Variants in UBQLN1 observed in about 807,000 individuals in gnomAD.
UBQLN1 encodes ubiquilin 1.
Under a neutral mutation model 65.4 loss-of-function variants are expected in UBQLN1, and 13 were observed. The ratio of observed to expected loss-of-function variants is 0.20; its 90% CI spans 0.13 to 0.32. UBQLN1 has a LOEUF of 0.32. UBQLN1 is among the 10% of genes least tolerant of loss of function. UBQLN1 has a pLI of 1.00. For missense variants in UBQLN1, 561 were observed against 724.0 expected (o/e 0.77, Z 2.58); for synonymous variants, 267 against 247.8 (o/e 1.08, Z -0.73).
chr9:83,680,146 T>G (rs1013434584), intron 3 of UBQLN1, 109 bp from the exon 4 acceptor site: 3 of 1,178,128 alleles, frequency 2.5e-6, no homozygotes, highest in Admixed American at 5.8e-5. Flanking sequence ...AATAGTCTAT[T>G]ACAAGAAATC....
In UBQLN1 at chr9:83,682,991, G is replaced by C; in HGVS notation, c.408C>G (p.Asn136Lys). Residue 136 changes from asparagine to lysine, a missense_variant, in exon 3 of 11, where the codon AAC becomes AAG. By Grantham distance (94) the Asn-to-Lys change is moderately conservative (BLOSUM62 0). This residue lies in a region of UBQLN1 where 87 missense variants were observed against 88.8 expected (regional missense o/e 0.98). Transcript: ENST00000376395. The part of the protein sequence containing the change: ...NVTTSSTPNS[N>K]STSGSATSNP... ...TGCTAGTAGCAGAACCAGATGTAGA[G>C]TTACTATTAGGAGTTGATGATGTAG... 6.2e-7 allele frequency: 1 copy of C among 1,612,508 alleles called. No homozygotes were observed. The highest frequency in any genetic ancestry group is 8.5e-7 in the Non-Finnish European group (1 of 1,179,512).
chr9:83,700,976 T>C (rs1832300420), intron 1 of UBQLN1, among the ~76,000 whole-genome samples: 1 of 152,198 alleles, frequency 6.6e-6, no homozygotes, highest in South Asian at 2.1e-4. Context: ...GTCAGGCAAC[T>C]GACCAGTAGG....
chr9:83,674,926 C>T (rs1331047795), intron 6 of UBQLN1, among the ~76,000 whole-genome samples: 1 of 152,114 alleles, frequency 6.6e-6, no homozygotes, highest in Non-Finnish European at 1.5e-5. Flanking sequence ...GCAGCAAAAA[C>T]GTGCAGAATT....
At chr9:83,681,958 C>T (rs1448731771) in intron 3 of UBQLN1, among the ~76,000 whole-genome samples, 1 of 152,124 alleles carries the variant, frequency 6.6e-6, no homozygotes, top group Admixed American at 6.5e-5. Context: ...CGGTAAAAAG[C>T]GTAGCATGCA....
chr9:83,694,877 T>A (rs2131180131), intron 1 of UBQLN1, among the ~76,000 whole-genome samples: 1 of 152,316 alleles, frequency 6.6e-6, no homozygotes, highest in African/African-American at 2.4e-5. Context: ...CCAGTGAGGC[T>A]GAGATGATTA....
At chr9:83,672,383 G>C (rs1241307391) in intron 6 of UBQLN1, among the ~76,000 whole-genome samples, 1 of 152,176 alleles carries the variant, frequency 6.6e-6, no homozygotes, top group East Asian at 1.9e-4. Context: ...CACTAAACAA[G>C]ATTATTTCTA....
At chr9:83,687,520 T>C (rs915326300) in intron 1 of UBQLN1, among the ~76,000 whole-genome samples, 4 of 152,260 alleles carry the variant, frequency 2.6e-5, no homozygotes, top group South Asian at 2.1e-4. Flanking sequence ...GATAAGGAAA[T>C]TGCTGCCAAG....
In UBQLN1 at chr9:83,660,807, A is replaced by G. The variant is rs910189508; in HGVS notation, c.*980T>C. The G allele has an allele frequency of 1.3e-5, 2 of 152,758 alleles. No homozygotes were observed. The highest frequency in any genetic ancestry group is 4.8e-5 in the African/African-American group (2 of 41,568). The allele number at this position is 152,758 out of a possible 1,614,324, so 9.5% of individuals were successfully genotyped here. A position where few individuals can be genotyped will look rare whatever the true frequency, so the allele number is the denominator to read the frequency against. ...GTGTATTGCCTGTGCATGAGAAAAC[A>G]GATAAACCCAAAAGATAGTTCTATT... On this transcript the variant is annotated 3_prime_UTR_variant, in exon 11 of 11. Coordinates refer to ENST00000376395, the MANE Select transcript of UBQLN1 (RefSeq NM_013438.5).
intron 4 of UBQLN1, among the ~76,000 whole-genome samples, chr9:83,679,397 T>A (rs1210628059): frequency 6.6e-6 from 1 of 152,230 alleles, no homozygotes; most frequent in Non-Finnish European, 1.5e-5. Context: ...TTTAAAGTTG[T>A]TGCAATTTTG....
chr9:83,664,910 C>T (rs959734676), intron 9 of UBQLN1, 120 bp downstream of exon 9: 2 of 671,920 alleles, frequency 3.0e-6, no homozygotes, highest in Admixed American at 7.2e-5. Context: ...AAGGGCGAGA[C>T]CCTGTATCCC....
chr9:83,704,416 T>C (rs1832362353), intron 1 of UBQLN1, among the ~76,000 whole-genome samples: 1 of 152,226 alleles, frequency 6.6e-6, no homozygotes, highest in Admixed American at 6.5e-5. Flanking sequence ...GGTGTGGTGA[T>C]AAGCGTCAAT....
At position 83,678,475 on chromosome 9, in the gene UBQLN1, A is replaced by G. The variant is rs2131158971; in HGVS notation, c.836T>C (p.Ile279Thr). The G allele has an allele frequency of 6.2e-7, 1 of 1,613,676 alleles. No individual in the cohort carries two copies. Among genetic ancestry groups the G allele is most frequent in the Non-Finnish European group, 8.5e-7 (1 of 1,179,836 alleles). ...TGCAGCACTCAGCATTGGTTCCTGA[A>G]TATCTGTGTACATGCGCCTTAAAGC... ...YNALRRMYTD[I>T]QEPMLSAAQE... The change falls in exon 5 of 11, where the codon ATT becomes ACT. Residue 279 changes from isoleucine to threonine, a missense_variant. Around this residue, in one of 8 missense-constraint regions of UBQLN1, gnomAD observed 75 missense variants for 138.9 expected, o/e 0.54. Transcript: ENST00000376395.
intron 9 of UBQLN1, 30 bp downstream of exon 9, chr9:83,665,000 A>C: frequency 1.4e-6 from 2 of 1,477,612 alleles, no homozygotes; most frequent in Non-Finnish European, 1.9e-6. Context: ...ACCATTATAC[A>C]CTTTCATTAT....
At chr9:83,705,929 T>C (rs1047095474) in intron 1 of UBQLN1, among the ~76,000 whole-genome samples, 1 of 150,342 alleles carries the variant, frequency 6.7e-6, no homozygotes, top group African/African-American at 2.5e-5. Flanking sequence ...CTCTGTAACT[T>C]AGGGCATAAA....
intron 2 of UBQLN1, among the ~76,000 whole-genome samples, chr9:83,683,272 C>T (rs1831977550): frequency 1.3e-5 from 2 of 151,952 alleles, no homozygotes; most frequent in Non-Finnish European, 2.9e-5. Context: ...ATTAGCCGGG[C>T]GTGATGGCGA....
chr9:83,681,244 A>G (rs1281541916), intron 3 of UBQLN1, among the ~76,000 whole-genome samples: 2 of 152,228 alleles, frequency 1.3e-5, no homozygotes, highest in Non-Finnish European at 2.9e-5. Flanking sequence ...AGGATGACCA[A>G]GTGCTTACCA....
intron 6 of UBQLN1, among the ~76,000 whole-genome samples, chr9:83,669,997 A>T (rs532185634): frequency 1.3e-5 from 2 of 152,212 alleles, no homozygotes; most frequent in Non-Finnish European, 2.9e-5. Context: ...TCTACTTCAT[A>T]GGGTGGTTGT....
Position 83,677,731 on chromosome 9 carries a change from T to C in UBQLN1, c.1101A>G (p.Val367=), listed in dbSNP as rs760409823. 2.5e-6 allele frequency: 4 copies of C among 1,611,392 alleles called. No homozygotes were observed. In the African/African-American group the frequency reaches 5.3e-5, roughly 21 times the overall value. ...CCTGAGTTGTTAAAAGCATACCTCC[T>C]ACTCCAGGCACCAAATTTGGCGCAG... The part of the protein sequence containing the change: ...STTAPNLVPG[V]GASMFNTPGM... Residue 367 remains valine, a synonymous_variant, in exon 6 of 11, where the codon GTA becomes GTG. Transcript: ENST00000376395.
Position 83,661,785 on chromosome 9 carries a change from T to C in UBQLN1, c.*2A>G. On this transcript the variant is annotated 3_prime_UTR_variant, in exon 11 of 11. Coordinates refer to ENST00000376395, the MANE Select transcript of UBQLN1 (RefSeq NM_013438.5). ...ACATTTTTTCAAGATACAGAAATGC[T>C]GCTATGATGGCTGGGAGCCCAGTAA... The C allele has an allele frequency of 6.3e-7, 1 of 1,595,360 alleles. No homozygotes were observed. The highest frequency in any genetic ancestry group is 8.5e-7 in the Non-Finnish European group (1 of 1,170,534).
Sources: gnomAD v4.1 joint callset for allele counts (sites outside exome capture counted in the v4.1 genomes callset) on GRCh38, gnomAD v4.1.1 for gene constraint, gnomAD v4.1.1 regional missense constraint, MANE v1.5 for transcripts, NCBI Gene and HGNC (gene_info 2026-07-23, HGNC 2026-07-21) for gene names.